Variants in KIAA2012 observed in about 807,000 individuals in gnomAD.
The protein encoded by KIAA2012 is KIAA2012, also known as uncharacterized protein KIAA2012.
In KIAA2012, 125 loss-of-function variants were observed where a neutral mutation model predicts 150.6. The observed-to-expected ratio is 0.83, with a 90% confidence interval of 0.72 to 0.96. KIAA2012 has a LOEUF of 0.96. KIAA2012 is among the 40% of genes least tolerant of loss of function. The probability of loss-of-function intolerance (pLI) is 0.00; values close to 1 mark genes in which losing one functional copy is unlikely to be tolerated. For missense variants in KIAA2012, 1,219 were observed against 1,354.9 expected, an observed-to-expected ratio of 0.90 and a Z score of 1.57; for synonymous variants, 462 against 504.7, an observed-to-expected ratio of 0.92 and a Z score of 1.13.
intron 2 of KIAA2012, among the ~76,000 whole-genome samples, chr2:202,084,570 G>A (rs1053493980): frequency 6.6e-6 from 1 of 152,186 alleles, no homozygotes; most frequent in African/African-American, 2.4e-5. Context: ...AGCCGAGGCA[G>A]GCCTGAACAG....
At chr2:202,105,734 C>A (rs1336780255) in intron 8 of KIAA2012, 27 bp from the exon 9 acceptor site, 32 of 1,546,072 alleles carry the variant, frequency 2.1e-5, no homozygotes, top group Non-Finnish European at 6.1e-6. Flanking sequence ...ACCTCTGCTA[C>A]AATTCAGCCT....
chr2:202,112,532 C>G (rs1342811907), intron 10 of KIAA2012, among the ~76,000 whole-genome samples: 1 of 152,214 alleles, frequency 6.6e-6, no homozygotes, highest in Non-Finnish European at 1.5e-5. Flanking sequence ...GTCAGAAGTA[C>G]AGGTCACAAT....
intron 13 of KIAA2012, among the ~76,000 whole-genome samples, chr2:202,141,929 G>A (rs1214170214): frequency 1.3e-5 from 2 of 151,712 alleles, no homozygotes; most frequent in South Asian, 4.2e-4. Context: ...ACAGTGGTGG[G>A]AGGAAGTAAA....
chr2:202,195,717 A>G (rs939487193), intron 21 of KIAA2012, among the ~76,000 whole-genome samples: 45 of 152,080 alleles, frequency 3.0e-4, no homozygotes, highest in African/African-American at 1.0e-3. Context: ...AGTAACCACT[A>G]TTCTATTCTC....
chr2:202,177,958 G>A lies in KIAA2012; in HGVS notation c.2120-6795G>A, dbSNP rs572488254. The stretch of plus-strand genomic sequence containing the variant: ...TCATGCCTGTAATCCCAGCACTTTG[G>A]GAGGCCAAGGCAGGCAGATCACTTG... On this transcript the variant is annotated intron_variant, in intron 15 of 23. Transcript: ENST00000498697. 3.3e-5 allele frequency among the ~76,000 whole-genome samples: 5 copies of A among 152,302 alleles called. No individual in the cohort carries two copies. The South Asian group carries it at 1.0e-3, about 32-fold the overall frequency.
At chr2:202,187,161 T>C in intron 17 of KIAA2012, 63 bp downstream of exon 17, 5 of 1,516,124 alleles carry the variant, frequency 3.3e-6, no homozygotes, top group South Asian at 2.5e-5. Context: ...AAGGATACCA[T>C]GCACAGTTGT....
chr2:202,150,578 A>T (rs1691406637), intron 13 of KIAA2012, among the ~76,000 whole-genome samples: 1 of 151,868 alleles, frequency 6.6e-6, no homozygotes, highest in East Asian at 1.9e-4. Context: ...CCTCCCAAGT[A>T]GCTGGGACCA....
intron 10 of KIAA2012, among the ~76,000 whole-genome samples, chr2:202,111,511 A>G (rs1314490083): frequency 1.9e-5 from 1 of 53,372 alleles, no homozygotes; most frequent in Non-Finnish European, 5.8e-5. Context: ...CTCTGTCTCA[A>G]AAAAAAAAAA....
chr2:202,162,407 T>C (rs1438561485), intron 14 of KIAA2012, among the ~76,000 whole-genome samples: 1 of 151,786 alleles, frequency 6.6e-6, no homozygotes, highest in African/African-American at 2.4e-5. Context: ...CCCGAGTAGC[T>C]GGGACTACAG....
chr2:202,149,565 C>CAG (rs536632703), intron 13 of KIAA2012, among the ~76,000 whole-genome samples: 106 of 152,340 alleles, frequency 7.0e-4, no homozygotes, highest in Admixed American at 1.2e-3. Flanking sequence ...GGGAGTTAGA[C>CAG]AGTGAGAGTG....
At chr2:202,197,358 C>T (rs1347487213) in intron 22 of KIAA2012, 1 of 306,090 alleles carries the variant, frequency 3.3e-6, no homozygotes, top group African/African-American at 2.1e-5. Context: ...CTAAGACCCC[C>T]TGATTTCGAA....
In KIAA2012 at chr2:202,096,128, A is replaced by C. The variant is rs539876969; in HGVS notation, c.686-1307A>C. Among the ~76,000 whole-genome samples, 113 of 152,026 alleles carry C rather than the reference A, an allele frequency of 7.4e-4. 2 individuals are homozygous for C. In the South Asian group the frequency reaches 0.023, roughly 31 times the overall value. The stretch of plus-strand genomic sequence containing the variant: ...AAAAAGAGACTATTTAGTAAGTTTC[A>C]CTTCCTCCACCCTCAGAAATGCATT... On this transcript the variant is annotated intron_variant, in intron 4 of 23. Transcript: ENST00000498697.
At chr2:202,103,150 G>A in intron 8 of KIAA2012, 36 bp downstream of exon 8, 1 of 1,542,438 alleles carries the variant, frequency 6.5e-7, no homozygotes, top group Non-Finnish European at 8.7e-7. Context: ...CTGAGGGAGA[G>A]CCTGGGATGG....
intron 13 of KIAA2012, among the ~76,000 whole-genome samples, chr2:202,149,087 T>C (rs1359567976): frequency 6.6e-6 from 1 of 152,102 alleles, no homozygotes; most frequent in East Asian, 1.9e-4. Flanking sequence ...CAGGATTTAG[T>C]TCCCCTACCC....
At chr2:202,172,432 T>A (rs1360437549) in intron 15 of KIAA2012, among the ~76,000 whole-genome samples, 1 of 152,204 alleles carries the variant, frequency 6.6e-6, no homozygotes, top group Admixed American at 6.5e-5. Context: ...TGGCAGTATG[T>A]TTTTTAAGCC....
chr2:202,183,707 T>C (rs1368639559), intron 15 of KIAA2012, among the ~76,000 whole-genome samples: 3 of 152,152 alleles, frequency 2.0e-5, no homozygotes, highest in Non-Finnish European at 4.4e-5. Context: ...GGTTTCACCA[T>C]GTTAGCCAGG....
At chr2:202,134,034 C>CA (rs1167722455) in intron 12 of KIAA2012, among the ~76,000 whole-genome samples, 1 of 151,142 alleles carries the variant, frequency 6.6e-6, no homozygotes, top group South Asian at 2.1e-4. Context: ...CATTTATGAC[C>CA]AAAAAAACAC....
chr2:202,138,564 T>A, intron 13 of KIAA2012, 56 bp downstream of exon 13: 1 of 1,346,886 alleles, frequency 7.4e-7, no homozygotes, highest in Admixed American at 2.1e-5. Flanking sequence ...CTTGGGTTCT[T>A]GTTTCAGCTT....
intron 15 of KIAA2012, among the ~76,000 whole-genome samples, chr2:202,184,470 A>G (rs1692184661): frequency 6.6e-6 from 1 of 152,174 alleles, no homozygotes; most frequent in South Asian, 2.1e-4. Flanking sequence ...TATGATAAAT[A>G]CCAGGAGTGA....
Sources: gnomAD v4.1 joint callset for allele counts (sites outside exome capture counted in the v4.1 genomes callset) on GRCh38, gnomAD v4.1.1 for gene constraint, MANE v1.5 for transcripts, NCBI Gene and HGNC (gene_info 2026-07-23, HGNC 2026-07-21) for gene names.